Variants in GPC5 observed in about 807,000 individuals in gnomAD.
The protein encoded by GPC5 is glypican-5.
In GPC5, 47 loss-of-function variants were observed where a neutral mutation model predicts 53.9. That is an observed-to-expected ratio of 0.87 (90% CI 0.69 to 1.11). The LOEUF is 1.11. Ranked by LOEUF, GPC5 falls within the 50% of genes most tolerant of loss-of-function variation. The pLI is 0.00. For missense variants in GPC5, 748 were observed against 713.1 expected (o/e 1.05, Z -0.56); for synonymous variants, 286 against 263.3 (o/e 1.09, Z -0.84).
At chr13:91,717,489 G>T (rs534259378) in intron 3 of GPC5, among the ~76,000 whole-genome samples, 1 of 152,288 alleles carries the variant, frequency 6.6e-6, no homozygotes, top group East Asian at 1.9e-4. Context: ...CTTGAGTGAA[G>T]GAAATTCCAG....
chr13:91,973,148 T>C (rs1347788763), intron 6 of GPC5, among the ~76,000 whole-genome samples: 1 of 152,342 alleles, frequency 6.6e-6, no homozygotes, highest in East Asian at 1.9e-4. Flanking sequence ...TCATATTTCT[T>C]GGAGGCTTTG....
intron 2 of GPC5, among the ~76,000 whole-genome samples, chr13:91,630,414 C>G (rs1184728595): frequency 1.3e-5 from 2 of 152,186 alleles, no homozygotes; most frequent in African/African-American, 4.8e-5. Flanking sequence ...TTTCCCTCCC[C>G]ATTCTACCCA....
At chr13:91,896,528 C>T (rs1329689653) in intron 5 of GPC5, among the ~76,000 whole-genome samples, 2 of 152,052 alleles carry the variant, frequency 1.3e-5, no homozygotes, top group Non-Finnish European at 2.9e-5. Flanking sequence ...ACATGGGGGA[C>T]AGAGTATGTA....
chr13:92,667,503 A>AT (rs760644569), intron 7 of GPC5, among the ~76,000 whole-genome samples: 47 of 152,122 alleles, frequency 3.1e-4, no homozygotes, highest in South Asian at 8.3e-4. Flanking sequence ...AGATTGAGAG[A>AT]TTTTTTCCCC....
intron 6 of GPC5, among the ~76,000 whole-genome samples, chr13:92,083,169 G>A (rs1241587223): frequency 6.6e-6 from 1 of 152,152 alleles, no homozygotes; most frequent in Non-Finnish European, 1.5e-5. Context: ...TAATGTATGT[G>A]TTTATCCTGA....
chr13:92,862,841 C>T (rs902741847), intron 7 of GPC5, among the ~76,000 whole-genome samples: 5 of 152,134 alleles, frequency 3.3e-5, no homozygotes, highest in African/African-American at 1.2e-4. Context: ...AACAAATTGT[C>T]TCTAAACATA....
Position 92,555,895 on chromosome 13 carries a change from G to A in GPC5, c.1562-310387G>A, listed in dbSNP as rs1351027299. Among the ~76,000 whole-genome samples the A allele has an allele frequency of 1.3e-5, 2 of 151,378 alleles. 1 individual carries two copies. Among genetic ancestry groups the A allele is most frequent in the Non-Finnish European group, 3.0e-5 (2 of 67,682 alleles). ...ATATTAGAGTGCAGCCAAGAAGAAG[G>A]AGAGTATTAACTCTGTAACATTATA... On this transcript the variant is annotated intron_variant, in intron 7 of 7. Transcript: ENST00000377067.
At chr13:92,571,458 G>GTATATATTTCCCAATAACCTGATTAATTA (rs1406715564) in intron 7 of GPC5, among the ~76,000 whole-genome samples, 3 of 151,922 alleles carry the variant, frequency 2.0e-5, no homozygotes, top group African/African-American at 7.3e-5. Context: ...CCTTTCAATT[G>GTATATATTTCCCAATAACCTGATTAATTA]TATATATTTC....
intron 7 of GPC5, among the ~76,000 whole-genome samples, chr13:92,618,872 T>A (rs543879585): frequency 2.2e-4 from 34 of 152,054 alleles, no homozygotes; most frequent in African/African-American, 7.9e-4. Flanking sequence ...TCTCACTATC[T>A]ATTATGGTAT....
rs140013933 is a variant in GPC5, at chr13:92,271,747, G to A, written c.1561+126758G>A. Among the ~76,000 whole-genome samples, 5 of 152,266 alleles carry A rather than the reference G, an allele frequency of 3.3e-5. No homozygotes were observed. In the East Asian group the frequency reaches 9.6e-4, roughly 29 times the overall value. On this transcript the variant is annotated intron_variant, in intron 7 of 7. Transcript: ENST00000377067. ...AGAGCTCTAGAGATAAATGAAAATG[G>A]TGAGTAGGAGTTCAGCAATGCTTAG...
At chr13:91,977,179 A>G (rs1242552320) in intron 6 of GPC5, among the ~76,000 whole-genome samples, 1 of 152,190 alleles carries the variant, frequency 6.6e-6, no homozygotes, top group Non-Finnish European at 1.5e-5. Context: ...TAAAAATATG[A>G]TATGTAAATA....
chr13:92,863,546 T>C (rs1203566443), intron 7 of GPC5, among the ~76,000 whole-genome samples: 1 of 152,070 alleles, frequency 6.6e-6, no homozygotes, highest in African/African-American at 2.4e-5. Context: ...CAGGCTGGAG[T>C]GCAATGGCAC....
At chr13:91,885,001 G>A (rs1243550971) in intron 5 of GPC5, among the ~76,000 whole-genome samples, 1 of 151,704 alleles carries the variant, frequency 6.6e-6, no homozygotes, top group Non-Finnish European at 1.5e-5. Flanking sequence ...TTTTTATTTT[G>A]TAATTATACT....
chr13:91,427,872 G>A (rs1879164360), intron 1 of GPC5, among the ~76,000 whole-genome samples: 1 of 152,112 alleles, frequency 6.6e-6, no homozygotes, highest in African/African-American at 2.4e-5. Context: ...GATAGTGAGT[G>A]AATTCTCACA....
chr13:92,377,618 C>T (rs2043705747), intron 7 of GPC5, among the ~76,000 whole-genome samples: 1 of 152,154 alleles, frequency 6.6e-6, no homozygotes, highest in Admixed American at 6.5e-5. Flanking sequence ...AGCATACTAA[C>T]TTATGAAAAA....
rs181533317 is a variant in GPC5 at position 91,728,491 on chromosome 13, G to C, written c.1021-41G>C. 6.3e-6 allele frequency: 10 copies of C among 1,588,700 alleles called. No individual in the cohort carries two copies. The Admixed American group carries it at 1.0e-4, about 17-fold the overall frequency. ...AACATCACATTCTCAGAAAGGTGGA[G>C]TACGATTTCTAACTACCTTTTAATG... On this transcript the variant is annotated intron_variant, in intron 3 of 7. Coordinates refer to ENST00000377067, the MANE Select transcript of GPC5 (RefSeq NM_004466.6).
At chr13:91,490,560 A>G (rs1345762021) in intron 2 of GPC5, among the ~76,000 whole-genome samples, 1 of 152,206 alleles carries the variant, frequency 6.6e-6, no homozygotes, top group East Asian at 1.9e-4. Context: ...GTTAAGCAAT[A>G]TGGCAAGCTA....
At chr13:92,161,539 A>C (rs943389672) in intron 7 of GPC5, among the ~76,000 whole-genome samples, 6 of 152,180 alleles carry the variant, frequency 3.9e-5, no homozygotes, top group African/African-American at 1.4e-4. Context: ...GTGTATATTC[A>C]AAAGATCAAA....
chr13:91,485,025 A>T (rs897407268), intron 2 of GPC5, among the ~76,000 whole-genome samples: 9 of 151,578 alleles, frequency 5.9e-5, no homozygotes, highest in Non-Finnish European at 1.3e-4. Context: ...AATGCAGAAT[A>T]AAAAAAATGC....
Sources: gnomAD v4.1 joint callset for allele counts (sites outside exome capture counted in the v4.1 genomes callset) on GRCh38, gnomAD v4.1.1 for gene constraint, MANE v1.5 for transcripts, NCBI Gene and HGNC (gene_info 2026-07-23, HGNC 2026-07-21) for gene names.